RNGTT: variants seen among roughly 807,000 people sequenced by gnomAD.
The protein encoded by RNGTT is mRNA-capping enzyme.
A neutral mutation model predicts 79.3 loss-of-function variants in RNGTT; 33 were observed. That is an observed-to-expected ratio of 0.42 (90% CI 0.32 to 0.56). RNGTT has a LOEUF of 0.56. Ranked by LOEUF, RNGTT falls within the 20% of genes least tolerant of loss-of-function variation. The probability of loss-of-function intolerance (pLI) is 0.17; values close to 1 mark genes in which losing one functional copy is unlikely to be tolerated. For missense variants in RNGTT, 497 were observed against 739.1 expected (o/e 0.67, Z 3.80); for synonymous variants, 222 against 235.9 (o/e 0.94, Z 0.54).
At chr6:88,858,033 T>C (rs1169436477) in intron 8 of RNGTT, among the ~76,000 whole-genome samples, 1 of 152,154 alleles carries the variant, frequency 6.6e-6, no homozygotes, top group African/African-American at 2.4e-5. Context: ...CTAACCCTTG[T>C]TCTTTGTACC....
intron 14 of RNGTT, among the ~76,000 whole-genome samples, chr6:88,668,394 A>G (rs767926498): frequency 6.6e-6 from 1 of 152,206 alleles, no homozygotes; most frequent in Non-Finnish European, 1.5e-5. Flanking sequence ...TGACTGGTCT[A>G]TGCACAGCCA....
chr6:88,671,294 C>G lies in RNGTT; in HGVS notation c.1506+7059G>C, dbSNP rs926973476. Among the ~76,000 whole-genome samples the G allele has an allele frequency of 3.3e-5, 5 of 152,288 alleles. No individual in the cohort carries two copies. In the South Asian group the frequency reaches 8.3e-4, roughly 25 times the overall value. On this transcript the variant is annotated intron_variant, in intron 14 of 15. Transcript: ENST00000369485. ...AACTAATGTACACAAATCAGTAGCA[C>G]TGCTATACACCAACAGTGACCAAGC...
At chr6:88,827,333 G>A (rs1304786752) in intron 11 of RNGTT, among the ~76,000 whole-genome samples, 1 of 152,038 alleles carries the variant, frequency 6.6e-6, no homozygotes, top group East Asian at 1.9e-4. Context: ...GACGGACTGT[G>A]CCATGAGGGA....
rs553064128 is a variant in RNGTT, at chr6:88,951,603, GA to G, written c.65-10424del. ...AAAACCATGAGCTCCCAAAGTGTGAGAGGGGGGATAAAACCTGCCTCTGAAC... is the reference window on the plus strand; with the variant it reads ...AAAACCATGAGCTCCCAAAGTGTGAGGGGGGGATAAAACCTGCCTCTGAAC... On this transcript the variant is annotated intron_variant, in intron 1 of 15. Coordinates refer to ENST00000369485, the MANE Select transcript of RNGTT (RefSeq NM_003800.5). Among the ~76,000 whole-genome samples, 273 of 152,326 alleles carry G rather than the reference GA, an allele frequency of 1.8e-3. 1 individual carries two copies. The highest frequency in any genetic ancestry group is 2.9e-3 in the Non-Finnish European group (197 of 68,020).
intron 13 of RNGTT, among the ~76,000 whole-genome samples, chr6:88,691,451 C>T (rs1260705578): frequency 6.6e-6 from 1 of 152,120 alleles, no homozygotes; most frequent in Non-Finnish European, 1.5e-5. Flanking sequence ...CAAACTAATA[C>T]AGTTATATTT....
At chr6:88,960,874 T>A (rs367635435) in intron 1 of RNGTT, among the ~76,000 whole-genome samples, 11 of 152,234 alleles carry the variant, frequency 7.2e-5, no homozygotes, top group East Asian at 3.8e-4. Flanking sequence ...TTACAACATA[T>A]AAGTTTGAGC....
At chr6:88,766,254 A>C (rs375909148) in intron 13 of RNGTT, among the ~76,000 whole-genome samples, 2 of 152,142 alleles carry the variant, frequency 1.3e-5, no homozygotes, top group African/African-American at 4.8e-5. Context: ...TTAAAACCTG[A>C]ACTCTAAAAT....
At chr6:88,676,201 G>A (rs1006724769) in intron 14 of RNGTT, among the ~76,000 whole-genome samples, 3 of 152,140 alleles carry the variant, frequency 2.0e-5, no homozygotes, top group African/African-American at 7.2e-5. Flanking sequence ...ATTGGTAGAG[G>A]AATAAACACA....
intron 13 of RNGTT, among the ~76,000 whole-genome samples, chr6:88,766,980 A>G (rs1368958896): frequency 6.6e-6 from 1 of 152,150 alleles, no homozygotes; most frequent in Non-Finnish European, 1.5e-5. Flanking sequence ...TAAAATACTG[A>G]GTTAATGCTA....
chr6:88,642,867 G>A (rs1186436861), intron 14 of RNGTT, among the ~76,000 whole-genome samples: 2 of 152,064 alleles, frequency 1.3e-5, no homozygotes, highest in Non-Finnish European at 2.9e-5. Flanking sequence ...TCTATACCTA[G>A]TACAATTAAA....
chr6:88,706,741 G>A (rs1214972268), intron 13 of RNGTT, among the ~76,000 whole-genome samples: 1 of 151,910 alleles, frequency 6.6e-6, no homozygotes. Context: ...ACAAATAAAT[G>A]TTTTATAACT....
At chr6:88,815,632 C>T (rs777643564) in intron 11 of RNGTT, among the ~76,000 whole-genome samples, 1 of 152,172 alleles carries the variant, frequency 6.6e-6, no homozygotes, top group African/African-American at 2.4e-5. Flanking sequence ...CAAAGTCACA[C>T]CCATCAGCAG....
At chr6:88,903,045 A>C (rs1044216567) in intron 6 of RNGTT, among the ~76,000 whole-genome samples, 4 of 152,232 alleles carry the variant, frequency 2.6e-5, no homozygotes, top group Admixed American at 2.6e-4. Context: ...TATGGTCAAC[A>C]AGCAATGGGT....
At chr6:88,833,616 T>G (rs115893247) in intron 11 of RNGTT, among the ~76,000 whole-genome samples, 2 of 152,334 alleles carry the variant, frequency 1.3e-5, no homozygotes, top group Middle Eastern at 6.8e-3. Flanking sequence ...AATACAGTCA[T>G]GTGATCTATG....
At chr6:88,628,891 G>A (rs1345295728) in intron 14 of RNGTT, among the ~76,000 whole-genome samples, 1 of 152,106 alleles carries the variant, frequency 6.6e-6, no homozygotes, top group Non-Finnish European at 1.5e-5. Flanking sequence ...TTCAGCTAAT[G>A]GAGCATCCTT....
At chr6:88,697,625 A>C (rs1205074909) in intron 13 of RNGTT, among the ~76,000 whole-genome samples, 1 of 151,626 alleles carries the variant, frequency 6.6e-6, no homozygotes, top group African/African-American at 2.4e-5. Flanking sequence ...AGCACTTTGG[A>C]GGTCGAAGTC....
chr6:88,715,273 T>A (rs1246383956), intron 13 of RNGTT, among the ~76,000 whole-genome samples: 9 of 152,120 alleles, frequency 5.9e-5, no homozygotes, highest in African/African-American at 2.2e-4. Flanking sequence ...GTGAAGGACC[T>A]CTTCAAGAAC....
At chr6:88,892,874 T>C (rs573573047) in intron 6 of RNGTT, among the ~76,000 whole-genome samples, 1 of 152,220 alleles carries the variant, frequency 6.6e-6, no homozygotes, top group South Asian at 2.1e-4. Flanking sequence ...ACATACATTC[T>C]TGTCAAATCT....
chr6:88,631,830 T>TC (rs998468275), intron 14 of RNGTT, among the ~76,000 whole-genome samples: 4 of 151,268 alleles, frequency 2.6e-5, no homozygotes, highest in South Asian at 2.1e-4. Flanking sequence ...GTTTCAAGTT[T>TC]TTTTTTAACC....
Sources: gnomAD v4.1 joint callset for allele counts (sites outside exome capture counted in the v4.1 genomes callset) on GRCh38, gnomAD v4.1.1 for gene constraint, MANE v1.5 for transcripts, NCBI Gene and HGNC (gene_info 2026-07-23, HGNC 2026-07-21) for gene names.